The following SLC2A9 variants were observed in gnomAD, a reference collection of about 807,000 sequenced individuals.
SLC2A9 encodes solute carrier family 2, facilitated glucose transporter member 9.
A neutral mutation model predicts 50.6 loss-of-function variants in SLC2A9; 39 were observed. That is an observed-to-expected ratio of 0.77 (90% CI 0.60 to 1.01). The LOEUF is 1.01. Ranked by LOEUF, SLC2A9 falls within the 50% of genes least tolerant of loss-of-function variation. The pLI is 0.00. For synonymous variants in SLC2A9, 324 were observed against 276.9 expected (o/e 1.17, Z -1.69); for missense variants, 686 against 677.6 (o/e 1.01, Z -0.14).
intron 8 of SLC2A9, among the ~76,000 whole-genome samples, chr4:9,903,887 T>C (rs1740130709): frequency 6.8e-6 from 1 of 147,578 alleles, no homozygotes; most frequent in Non-Finnish European, 1.5e-5. Flanking sequence ...TTTATATATT[T>C]ATATATTTTA....
At chr4:9,774,163 T>G (rs535022003) in intron 1 of SLC2A9, among the ~76,000 whole-genome samples, 1 of 152,082 alleles carries the variant, frequency 6.6e-6, no homozygotes, top group East Asian at 1.9e-4. Context: ...CCAGCTAATT[T>G]TTGTATTTTT....
At chr4:9,930,259 G>A (rs1292977585) in intron 6 of SLC2A9, among the ~76,000 whole-genome samples, 2 of 152,138 alleles carry the variant, frequency 1.3e-5, no homozygotes, top group Non-Finnish European at 2.9e-5. Flanking sequence ...TTTCATCAGA[G>A]CAAGACGGAT....
chr4:9,838,294 C>T (rs1314122067), intron 10 of SLC2A9, among the ~76,000 whole-genome samples: 1 of 152,050 alleles, frequency 6.6e-6, no homozygotes, highest in Non-Finnish European at 1.5e-5. Context: ...CTGTGGCAGG[C>T]ATTATGAAAA....
At chr4:9,888,786 A>T (rs1437719150) in intron 9 of SLC2A9, among the ~76,000 whole-genome samples, 1 of 152,102 alleles carries the variant, frequency 6.6e-6, no homozygotes, top group Non-Finnish European at 1.5e-5. Flanking sequence ...AGGGGTACAG[A>T]GGGCAGACAG....
At chr4:9,796,954 G>A (rs1720665040), downstream of SLC2A9, among the ~76,000 whole-genome samples, 2 of 152,162 alleles carry the variant, frequency 1.3e-5, no homozygotes, top group Admixed American at 6.5e-5. Context: ...GTGGGGTGGG[G>A]AAGTACACCA....
At chr4:9,783,131 G>A in intron 3 of SLC2A9, 1 of 1,614,230 alleles carries the variant, frequency 6.2e-7, no homozygotes. Context: ...CTTTCAGAAG[G>A]TGTTTGCCCA....
chr4:9,899,061 C>G (rs1739120061), intron 8 of SLC2A9, among the ~76,000 whole-genome samples: 1 of 152,150 alleles, frequency 6.6e-6, no homozygotes, highest in African/African-American at 2.4e-5. Flanking sequence ...GAGGTTTCCC[C>G]TAATAACTCA....
chr4:10,012,269 C>T (rs180756992), intron 2 of SLC2A9, among the ~76,000 whole-genome samples: 245 of 152,276 alleles, frequency 1.6e-3, no homozygotes, highest in African/African-American at 5.6e-3. Context: ...GTCCAAGTCC[C>T]CATCTGTGAA....
intron 6 of SLC2A9, among the ~76,000 whole-genome samples, chr4:9,936,069 T>C (rs1747016864): frequency 6.6e-6 from 1 of 152,090 alleles, no homozygotes; most frequent in Non-Finnish European, 1.5e-5. Flanking sequence ...CTGCGAGAAA[T>C]TGGAGCCCTT....
At chr4:10,032,423 G>T (rs997621190) in intron 1 of SLC2A9, among the ~76,000 whole-genome samples, 1 of 152,076 alleles carries the variant, frequency 6.6e-6, no homozygotes, top group Admixed American at 6.6e-5. Flanking sequence ...AGGGATGTGG[G>T]ACTGCAGCCT....
intron 5 of SLC2A9, among the ~76,000 whole-genome samples, chr4:9,977,630 C>T (rs934452238): frequency 6.7e-6 from 1 of 149,604 alleles, no homozygotes; most frequent in Non-Finnish European, 1.5e-5. Flanking sequence ...ATACTCTTAC[C>T]TCTGGCTAGA....
downstream of SLC2A9, among the ~76,000 whole-genome samples, chr4:9,775,773 T>G (rs1717471344): frequency 6.6e-6 from 1 of 152,192 alleles, no homozygotes; most frequent in Admixed American, 6.5e-5. Context: ...CGCAAAACCA[T>G]GAGACAATTC....
chr4:10,002,639 G>C (rs902803487), intron 2 of SLC2A9, among the ~76,000 whole-genome samples: 1 of 152,208 alleles, frequency 6.6e-6, no homozygotes, highest in Non-Finnish European at 1.5e-5. Flanking sequence ...GATCACCTGA[G>C]GTTAGGAGTT....
chr4:9,863,869 T>C lies in SLC2A9; in HGVS notation c.1291+23698A>G, dbSNP rs151317631. 5.4e-4 allele frequency among the ~76,000 whole-genome samples: 82 copies of C among 152,236 alleles called. 1 individual carries two copies. In the East Asian group the frequency reaches 0.015, roughly 28 times the overall value. On this transcript the variant is annotated intron_variant, in intron 10 of 11. Transcript: ENST00000264784. ...ATGCCTCCAAGAAGTCGAGTTGATGTATTGCTCTTTATGTAGAAACATCTA... is the reference window on the plus strand; with the variant it reads ...ATGCCTCCAAGAAGTCGAGTTGATGCATTGCTCTTTATGTAGAAACATCTA...
chr4:9,978,485 T>C (rs1171275545), intron 5 of SLC2A9, among the ~76,000 whole-genome samples: 1 of 152,266 alleles, frequency 6.6e-6, no homozygotes, highest in Non-Finnish European at 1.5e-5. Flanking sequence ...GCACTCTTCA[T>C]TGACTTTTAA....
intron 9 of SLC2A9, 41 bp from the exon 10 acceptor site, chr4:9,887,683 T>C (rs1247580206): frequency 8.4e-6 from 12 of 1,431,108 alleles, no homozygotes; most frequent in Admixed American, 2.6e-5. Context: ...GAGGTGATGG[T>C]GTGACCGGAG....
chr4:9,856,211 T>C (rs1238043171), intron 10 of SLC2A9, among the ~76,000 whole-genome samples: 2 of 152,188 alleles, frequency 1.3e-5, no homozygotes, highest in African/African-American at 4.8e-5. Context: ...TTGCAAACTA[T>C]GCATCTGACA....
At chr4:9,821,020 AAGCATTT>A (rs1724323751) in intron 3 of SLC2A9, among the ~76,000 whole-genome samples, 2 of 152,194 alleles carry the variant, frequency 1.3e-5, no homozygotes, top group Admixed American at 1.3e-4. Context: ...CTTAGGGGAA[AAGCATTT>A]AGTTTTGCGC....
chr4:9,964,486 G>A (rs1752768259), intron 5 of SLC2A9, among the ~76,000 whole-genome samples: 2 of 152,264 alleles, frequency 1.3e-5, no homozygotes, highest in South Asian at 2.1e-4. Flanking sequence ...CATTTTCTCT[G>A]GCTACAGAAA....
Sources: gnomAD v4.1 joint callset for allele counts (sites outside exome capture counted in the v4.1 genomes callset) on GRCh38, gnomAD v4.1.1 for gene constraint, MANE v1.5 for transcripts, NCBI Gene and HGNC (gene_info 2026-07-23, HGNC 2026-07-21) for gene names.